FERMT1: variants seen among roughly 807,000 people sequenced by gnomAD.
FERMT1 encodes the protein FERM domain containing kindlin 1, also known as fermitin family homolog 1.
FERMT1 carries 60 observed loss-of-function variants against 85.3 expected under a neutral mutation model. That is an observed-to-expected ratio of 0.70 (90% CI 0.57 to 0.87). FERMT1 has a LOEUF of 0.87. Ranked by LOEUF, FERMT1 falls within the 40% of genes least tolerant of loss-of-function variation. The pLI, the probability that FERMT1 is intolerant of heterozygous loss-of-function variation, is 0.00. For synonymous variants in FERMT1, 275 were observed against 301.1 expected (o/e 0.91, Z 0.90); for missense variants, 701 against 818.9 (o/e 0.86, Z 1.76).
intron 13 of FERMT1, among the ~76,000 whole-genome samples, chr20:6,079,956 T>A (rs368122266): frequency 6.6e-6 from 1 of 152,032 alleles, no homozygotes; most frequent in Non-Finnish European, 1.5e-5. Context: ...AAGTATGAGG[T>A]ACATATGCCA....
At chr20:6,091,952 T>C (rs1484191982) in intron 9 of FERMT1, among the ~76,000 whole-genome samples, 2 of 151,736 alleles carry the variant, frequency 1.3e-5, no homozygotes, top group African/African-American at 4.8e-5. Flanking sequence ...TTTTTTTTTT[T>C]TTGAGACAGG....
chr20:6,115,948 T>C lies in FERMT1; in HGVS notation c.248A>G (p.Gln83Arg). The change falls in exon 3 of 15, where the codon CAG becomes CGG. Residue 83 changes from glutamine to arginine, a missense_variant. Physicochemically the swap from Gln to Arg is conservative, Grantham distance 43. Transcript: ENST00000217289. Reference sequence around the variant, plus strand: ...GGTGAAGAGAAGCTTTGCATCTGCCTGGACCCCATATTTGTCCAGGGTCCA... The same window carrying C: ...GGTGAAGAGAAGCTTTGCATCTGCCCGGACCCCATATTTGTCCAGGGTCCA... Reference protein sequence around the residue: ...THWTLDKYGVQADAKLLFTPQ... With the variant: ...THWTLDKYGVRADAKLLFTPQ... 1 of 1,614,204 alleles carries C rather than the reference T, an allele frequency of 6.2e-7. No homozygotes were observed. Among genetic ancestry groups the C allele is most frequent in the Non-Finnish European group, 8.5e-7 (1 of 1,180,012 alleles).
intron 6 of FERMT1, 51 bp downstream of exon 6, chr20:6,107,481 T>G: frequency 2.8e-6 from 3 of 1,082,086 alleles, no homozygotes; most frequent in South Asian, 2.6e-5. Flanking sequence ...ATTTTATCCT[T>G]TCATGCATTC....
Position 6,112,635 on chromosome 20 carries a change from T to C in FERMT1, c.386-12A>G. On this transcript the variant is annotated splice_polypyrimidine_tract_variant and intron_variant, in intron 3 of 14. Coordinates refer to ENST00000217289, the MANE Select transcript of FERMT1 (RefSeq NM_017671.5). ...TGATCTTCTAATATCTAGAAATAAA[T>C]ATTTTTTAAAAATGAAGAAAAAGTA... is the stretch of plus-strand genomic sequence containing the variant. 1 of 1,504,550 alleles carries C rather than the reference T, an allele frequency of 6.6e-7. No individual in the cohort carries two copies. The allele number at this position is 1,504,550 out of a possible 1,614,324, so 93.2% of individuals were successfully genotyped here. A position where few individuals can be genotyped will look rare whatever the true frequency, so the allele number is the denominator to read the frequency against.
At chr20:6,080,431 A>G (rs886108368) in intron 13 of FERMT1, among the ~76,000 whole-genome samples, 2 of 152,192 alleles carry the variant, frequency 1.3e-5, no homozygotes, top group African/African-American at 4.8e-5. Flanking sequence ...TACAGGCATA[A>G]GCTGTCACAC....
At chr20:6,098,921 T>C (rs558233844) in intron 6 of FERMT1, among the ~76,000 whole-genome samples, 2 of 152,258 alleles carry the variant, frequency 1.3e-5, no homozygotes, top group Admixed American at 6.5e-5. Context: ...AAGTTAAACA[T>C]AGAATATAAT....
chr20:6,097,652 G>A (rs1982546971), intron 6 of FERMT1, 21 bp from the exon 7 acceptor site: 1 of 1,490,122 alleles, frequency 6.7e-7, no homozygotes, highest in Admixed American at 1.7e-5. Flanking sequence ...AAACAGAGGT[G>A]TGTGTGTAAT....
At chr20:6,091,785 A>G (rs1402072173) in intron 9 of FERMT1, among the ~76,000 whole-genome samples, 1 of 152,096 alleles carries the variant, frequency 6.6e-6, no homozygotes, top group Non-Finnish European at 1.5e-5. Flanking sequence ...ATCTTTCAGG[A>G]TGCTTCTGAC....
intron 9 of FERMT1, among the ~76,000 whole-genome samples, chr20:6,090,143 C>T (rs866375509): frequency 3.3e-5 from 5 of 151,972 alleles, no homozygotes; most frequent in Non-Finnish European, 7.4e-5. Flanking sequence ...GGCACGATCT[C>T]GGCTCACTGC....
intron 3 of FERMT1, among the ~76,000 whole-genome samples, chr20:6,115,110 T>G (rs1161281960): frequency 6.6e-6 from 1 of 152,260 alleles, no homozygotes; most frequent in Non-Finnish European, 1.5e-5. Flanking sequence ...CACTATATAT[T>G]ATCTATTCTG....
At chr20:6,093,891 G>A (rs1982430662) in intron 9 of FERMT1, among the ~76,000 whole-genome samples, 1 of 152,204 alleles carries the variant, frequency 6.6e-6, no homozygotes, top group Non-Finnish European at 1.5e-5. Context: ...AGGAGGTGGA[G>A]GTTGCAGTGA....
intron 6 of FERMT1, among the ~76,000 whole-genome samples, chr20:6,105,630 G>C (rs1253275045): frequency 2.0e-5 from 3 of 152,016 alleles, no homozygotes; most frequent in South Asian, 4.2e-4. Context: ...TTTCAAAAAG[G>C]GTTTGGCTAC....
At chr20:6,087,043 G>A (rs1173957865) in intron 11 of FERMT1, among the ~76,000 whole-genome samples, 5 of 152,138 alleles carry the variant, frequency 3.3e-5, no homozygotes, top group African/African-American at 1.2e-4. Flanking sequence ...TTTGGCCAAT[G>A]GAATGTGGGT....
At position 6,115,862 on chromosome 20, in the gene FERMT1, T is replaced by C; in HGVS notation, c.334A>G (p.Ser112Gly). Residue 112 changes from serine (S) to glycine (G), a missense_variant, in exon 3 of 15, where the codon AGC (serine) becomes GGC (glycine). By Grantham distance (56) the Ser-to-Gly change is moderately conservative (BLOSUM62 0). Transcript: ENST00000217289. ...PNLKMVRLRV[S>G]FSAVVFKAVS... ...GCTTTAAAAACCACAGCTGAGAAGC[T>C]GACTCGCAACCTCACCATCTTCAAA... 1 of 1,614,212 alleles carries C rather than the reference T, an allele frequency of 6.2e-7. No individual in the cohort carries two copies. The highest frequency in any genetic ancestry group is 8.5e-7 in the Non-Finnish European group (1 of 1,180,032).
intron 14 of FERMT1, among the ~76,000 whole-genome samples, chr20:6,078,462 T>A (rs563898318): frequency 6.6e-6 from 1 of 152,230 alleles, no homozygotes; most frequent in African/African-American, 2.4e-5. Context: ...ATCAGCAACA[T>A]CTGAATGTTT....
intron 10 of FERMT1, among the ~76,000 whole-genome samples, chr20:6,088,521 C>T (rs904855014): frequency 5.3e-5 from 8 of 152,152 alleles, no homozygotes; most frequent in African/African-American, 1.9e-4. Flanking sequence ...GCAGCTGCAG[C>T]CAGGCTGTCA....
rs558554562 is a variant in FERMT1 at position 6,078,313 on chromosome 20, G to A, written c.1861-967C>T. Reference sequence around the variant, plus strand: ...TCTCTGAACTTGATTTTACAAATAAGCACCCAGATGATTATCAACACTGCT... The same window carrying A: ...TCTCTGAACTTGATTTTACAAATAAACACCCAGATGATTATCAACACTGCT... On this transcript the variant is annotated intron_variant, in intron 14 of 14. Coordinates refer to ENST00000217289, the MANE Select transcript of FERMT1 (RefSeq NM_017671.5). Among the ~76,000 whole-genome samples, 7 of 152,302 alleles carry A rather than the reference G, an allele frequency of 4.6e-5. No homozygotes were observed. The South Asian group carries it at 6.2e-4, about 14-fold the overall frequency.
At chr20:6,117,660 C>A (rs1458265879) in intron 2 of FERMT1, among the ~76,000 whole-genome samples, 3 of 152,212 alleles carry the variant, frequency 2.0e-5, no homozygotes, top group Admixed American at 6.5e-5. Flanking sequence ...TCTCGAACTC[C>A]TGACCTCGTG....
chr20:6,091,171 A>G (rs999678155), intron 9 of FERMT1, among the ~76,000 whole-genome samples: 1 of 152,102 alleles, frequency 6.6e-6, no homozygotes, highest in Admixed American at 6.5e-5. Flanking sequence ...TCAAACAAAC[A>G]AACAAAAACC....
Sources: gnomAD v4.1 joint callset for allele counts (sites outside exome capture counted in the v4.1 genomes callset) on GRCh38, gnomAD v4.1.1 for gene constraint, MANE v1.5 for transcripts, NCBI Gene and HGNC (gene_info 2026-07-23, HGNC 2026-07-21) for gene names.